Variants in UGGT2 observed in about 807,000 individuals in gnomAD.
The protein encoded by UGGT2 is UDP-glucose:glycoprotein glucosyltransferase 2.
In UGGT2, 180 loss-of-function variants were observed where a neutral mutation model predicts 192.1. The ratio of observed to expected loss-of-function variants is 0.94; its 90% confidence interval spans 0.83 to 1.06. The LOEUF is 1.06. UGGT2 is among the 50% of genes least tolerant of loss of function. The probability of loss-of-function intolerance (pLI) is 0.00; values close to 1 mark genes in which losing one functional copy is unlikely to be tolerated. For synonymous variants in UGGT2, 580 were observed against 591.0 expected (o/e 0.98, Z 0.27); for missense variants, 1,849 against 1,795.7 (o/e 1.03, Z -0.54).
intron 2 of UGGT2, among the ~76,000 whole-genome samples, chr13:96,030,277 T>C (rs2052794371): frequency 6.6e-6 from 1 of 152,210 alleles, no homozygotes. Context: ...CATGACCCAA[T>C]TAAAGCTCTT....
chr13:96,003,051 T>TC (rs1349701876), intron 5 of UGGT2, among the ~76,000 whole-genome samples: 1 of 152,098 alleles, frequency 6.6e-6, no homozygotes, highest in Non-Finnish European at 1.5e-5. Context: ...CACGTGAGAC[T>TC]CCATCCATCC....
At chr13:96,004,638 G>A (rs974931157) in intron 5 of UGGT2, among the ~76,000 whole-genome samples, 7 of 150,946 alleles carry the variant, frequency 4.6e-5, no homozygotes, top group Admixed American at 6.6e-5. Flanking sequence ...CCACTAACTC[G>A]TCATCTAGCA....
intron 38 of UGGT2, among the ~76,000 whole-genome samples, chr13:95,804,346 A>T (rs148726004): frequency 1.3e-5 from 2 of 152,286 alleles, no homozygotes; most frequent in East Asian, 3.9e-4. Flanking sequence ...CACATTCATG[A>T]GCTGGAAATT....
intron 4 of UGGT2, among the ~76,000 whole-genome samples, chr13:96,021,472 A>G (rs1170660006): frequency 6.6e-6 from 1 of 152,234 alleles, no homozygotes; most frequent in Non-Finnish European, 1.5e-5. Flanking sequence ...ATATTAACTC[A>G]TCCAGAATAA....
chr13:96,020,995 G>A (rs1232220799), intron 4 of UGGT2, among the ~76,000 whole-genome samples: 1 of 152,158 alleles, frequency 6.6e-6, no homozygotes, highest in Non-Finnish European at 1.5e-5. Context: ...GTCCCACAGG[G>A]GGTGACAAAA....
At chr13:95,981,182 T>TTTAGTTTAGTCCCA (rs1566790173) in intron 10 of UGGT2, among the ~76,000 whole-genome samples, 3 of 48,900 alleles carry the variant, frequency 6.1e-5, no homozygotes, top group Admixed American at 2.1e-4. Flanking sequence ...ACACTTTTGT[T>TTTAGTTTAGTCCCA]GGCCGGGCGC....
intron 22 of UGGT2, among the ~76,000 whole-genome samples, chr13:95,898,190 A>G (rs532677208): frequency 4.6e-5 from 7 of 152,164 alleles, no homozygotes; most frequent in East Asian, 3.9e-4. Flanking sequence ...CTGACCCCCT[A>G]TTGTATATTC....
chr13:95,845,369 G>A (rs1888295706), intron 36 of UGGT2, among the ~76,000 whole-genome samples: 1 of 46,640 alleles, frequency 2.1e-5, no homozygotes, highest in East Asian at 7.8e-4. Flanking sequence ...ATTAGGGAGT[G>A]GTGATGACTG....
At chr13:95,842,910 A>T (rs1888017102) in intron 36 of UGGT2, among the ~76,000 whole-genome samples, 1 of 152,236 alleles carries the variant, frequency 6.6e-6, no homozygotes, top group South Asian at 2.1e-4. Flanking sequence ...CTTGAGAGAT[A>T]CAATGAAGCA....
At chr13:95,846,638 T>G (rs946723607) in intron 36 of UGGT2, among the ~76,000 whole-genome samples, 1 of 152,220 alleles carries the variant, frequency 6.6e-6, no homozygotes, top group African/African-American at 2.4e-5. Context: ...GAAGAGTTTG[T>G]GTAAAACTGG....
chr13:95,969,863 G>A (rs1449939453), intron 12 of UGGT2, among the ~76,000 whole-genome samples: 1 of 152,146 alleles, frequency 6.6e-6, no homozygotes, highest in Non-Finnish European at 1.5e-5. Flanking sequence ...TTATTCTGTT[G>A]TTATCTCTGA....
chr13:95,983,937 T>C (rs1213365798), intron 9 of UGGT2, 73 bp from the exon 10 acceptor site: 2 of 967,872 alleles, frequency 2.1e-6, no homozygotes, highest in East Asian at 5.8e-5. Context: ...CCCAATGTAA[T>C]CTAATACTTT....
rs751211429 is a variant in UGGT2 at position 95,894,569 on chromosome 13, T to A, written c.2848A>T (p.Asn950Tyr). Residue 950 changes from asparagine (N) to tyrosine (Y), a missense_variant, in exon 24 of 39, where the codon AAT becomes TAT. By Grantham distance (143) the Asn-to-Tyr change is moderately radical. Coordinates refer to ENST00000376747, the MANE Select transcript of UGGT2 (RefSeq NM_020121.4). Reference sequence around the variant, plus strand: ...ATACGAATACATTCTTACCTGTGATTCTCCCTAAGAAATGTGACATCATAT... The same window carrying A: ...ATACGAATACATTCTTACCTGTGATACTCCCTAAGAAATGTGACATCATAT... ...SRYDVTFLRE[N>Y]HSVIKTNPQE... 1 of 1,609,398 alleles carries A rather than the reference T, an allele frequency of 6.2e-7. No individual in the cohort carries two copies. Among genetic ancestry groups the A allele is most frequent in the Non-Finnish European group, 8.5e-7 (1 of 1,177,418 alleles).
Position 95,947,072 on chromosome 13 carries a change from A to AT in UGGT2, c.1641dup (p.Phe548IlefsTer2). Reference sequence around the variant, plus strand: ...GAAATAAATGCTTCTGATATATCAAATTCTTCTGCAATATAGTTGAAAGCT... The same window carrying AT: ...GAAATAAATGCTTCTGATATATCAAATTTCTTCTGCAATATAGTTGAAAGCT... On this transcript the variant is annotated frameshift_variant, in exon 15 of 39. Transcript: ENST00000376747. LOFTEE classifies it high-confidence loss of function. The AT allele has an allele frequency of 5.6e-6, 9 of 1,607,820 alleles. No individual in the cohort carries two copies. Among genetic ancestry groups the AT allele is most frequent in the Non-Finnish European group, 7.6e-6 (9 of 1,178,378 alleles).
chr13:95,997,906 T>C (rs978121563), intron 6 of UGGT2, among the ~76,000 whole-genome samples: 1 of 152,196 alleles, frequency 6.6e-6, no homozygotes, highest in Non-Finnish European at 1.5e-5. Flanking sequence ...GTGAAAAGCT[T>C]TGTTTGCTAT....
chr13:96,017,655 C>T (rs2052380479), intron 4 of UGGT2, among the ~76,000 whole-genome samples: 1 of 152,070 alleles, frequency 6.6e-6, no homozygotes, highest in African/African-American at 2.4e-5. Context: ...ATCTAAGATA[C>T]CCTTTATAGT....
intron 1 of UGGT2, among the ~76,000 whole-genome samples, chr13:96,041,616 G>A (rs990606052): frequency 1.1e-4 from 16 of 151,916 alleles, no homozygotes; most frequent in South Asian, 4.2e-4. Context: ...AGCCCTGCTC[G>A]CCCACCACCT....
At position 95,983,835 on chromosome 13, in the gene UGGT2, T is replaced by G; in HGVS notation, c.1061A>C (p.His354Pro). The change falls in exon 10 of 39, where the codon CAT becomes CCT. Residue 354 changes from histidine to proline, a missense_variant. Physicochemically the swap from His to Pro is moderately conservative, Grantham distance 77. Coordinates refer to ENST00000376747, the MANE Select transcript of UGGT2 (RefSeq NM_020121.4). ...RSLTRIAVNQHMREEIKENQK... is the reference protein window; with the variant it reads ...RSLTRIAVNQPMREEIKENQK... ...ATTTTCCTTTATTTCTTCTCTCATA[T>G]GTTGATTTACAGCAATTCTGGTTAG... is the stretch of plus-strand genomic sequence containing the variant. 6.4e-7 allele frequency: 1 copy of G among 1,570,076 alleles called. No homozygotes were observed. The highest frequency in any genetic ancestry group is 8.6e-7 in the Non-Finnish European group (1 of 1,158,220).
chr13:96,010,875 C>A lies in UGGT2; in HGVS notation c.660+2432G>T, dbSNP rs191612190. Reference sequence around the variant, plus strand: ...TAACACAACCTGATCTCAAGGCTATCAAGGTAAAGTAATCAAGCAGTGTAG... The same window carrying A: ...TAACACAACCTGATCTCAAGGCTATAAAGGTAAAGTAATCAAGCAGTGTAG... On this transcript the variant is annotated intron_variant, in intron 5 of 38. Coordinates refer to ENST00000376747, the MANE Select transcript of UGGT2 (RefSeq NM_020121.4). Among the ~76,000 whole-genome samples the A allele has an allele frequency of 3.1e-3, 475 of 152,172 alleles. 2 individuals are homozygous for A. The highest frequency in any genetic ancestry group is 0.011 in the African/African-American group (452 of 41,490).
Sources: allele counts gnomAD v4.1 joint callset (sites outside exome capture counted in the v4.1 genomes callset), GRCh38; gene constraint gnomAD v4.1.1; transcripts MANE v1.5; gene names NCBI Gene and HGNC (gene_info 2026-07-23, HGNC 2026-07-21).